The following PXDN variants were observed in gnomAD, a reference collection of about 807,000 sequenced individuals.
The protein encoded by PXDN is peroxidasin.
PXDN carries 77 observed loss-of-function variants against 140.3 expected under a neutral mutation model. The observed-to-expected ratio is 0.55, with a 90% CI of 0.46 to 0.66. The LOEUF is 0.66. Ranked by LOEUF, PXDN falls within the 30% of genes least tolerant of loss-of-function variation. The pLI is 0.00. For synonymous variants in PXDN, 911 were observed against 857.4 expected, an observed-to-expected ratio of 1.06 and a Z score of -1.09; for missense variants, 1,838 against 2,039.5, an observed-to-expected ratio of 0.90 and a Z score of 1.90.
chr2:1,719,863 T>C, intron 1 of PXDN, among the ~76,000 whole-genome samples: 1 of 148,428 alleles, frequency 6.7e-6, no homozygotes, highest in African/African-American at 2.5e-5. Context: ...TGTGTGTGTG[T>C]GTGTGTGTGT....
At position 1,662,374 on chromosome 2, in the gene PXDN, G is replaced by A. The variant is rs560412607; in HGVS notation, c.1568-190C>T. Reference sequence around the variant, plus strand: ...GGCAGGGGAGCCTGAAAGATCCCAGGGAAGATCCGCCCGCCTCCCCGCCTC... The same window carrying A: ...GGCAGGGGAGCCTGAAAGATCCCAGAGAAGATCCGCCCGCCTCCCCGCCTC... On this transcript the variant is annotated intron_variant, in intron 12 of 22. Coordinates refer to ENST00000252804, the MANE Select transcript of PXDN (RefSeq NM_012293.3). Among the ~76,000 whole-genome samples, 7 of 152,324 alleles carry A rather than the reference G, an allele frequency of 4.6e-5. No individual in the cohort carries two copies. In the East Asian group the frequency reaches 1.2e-3, roughly 25 times the overall value.
chr2:1,687,654 C>A lies in PXDN; in HGVS notation c.394G>T (p.Gly132Ter). 6.5e-7 allele frequency: 1 copy of A among 1,527,462 alleles called. No homozygotes were observed. Among genetic ancestry groups the A allele is most frequent in the Non-Finnish European group, 9.0e-7 (1 of 1,105,452 alleles). The allele number at this position is 1,527,462 out of a possible 1,614,324, so 94.6% of individuals were successfully genotyped here. A position where few individuals can be genotyped will look rare whatever the true frequency, so the allele number is the denominator to read the frequency against. ...IQSIDRQAFK[G>*]LASLEQLYLH... ...TACAGTTGCTCTAGAGAGGCAAGTC[C>A]CTTAAATGCTTGCCTGTCAATTGAC... The change falls in exon 4 of 23, where the codon GGA (glycine) becomes TGA (stop). Residue 132 changes from glycine to a stop codon, truncating the protein, a stop_gained. Transcript: ENST00000252804. LOFTEE classifies it high-confidence loss of function. This position sits in a 1 kb window ranked among gnomAD's most constrained non-coding sequence, Gnocchi z 4.0.
chr2:1,716,208 A>T (rs1214545451), intron 1 of PXDN, among the ~76,000 whole-genome samples: 2 of 152,072 alleles, frequency 1.3e-5, no homozygotes, highest in Non-Finnish European at 2.9e-5. Flanking sequence ...CAGGCTGAGG[A>T]GGGTGGATCA....
intron 10 of PXDN, 45 bp from the exon 11 acceptor site, chr2:1,665,119 C>G (rs1683404513): frequency 6.9e-7 from 1 of 1,445,838 alleles, no homozygotes; most frequent in Non-Finnish European, 9.5e-7. Context: ...AAAAAACAGC[C>G]TGGGGTAAAA....
intron 6 of PXDN, among the ~76,000 whole-genome samples, chr2:1,681,202 G>GT (rs1683894140): frequency 1.3e-5 from 2 of 152,182 alleles, no homozygotes; most frequent in Non-Finnish European, 2.9e-5. Context: ...GCCATTTGCG[G>GT]CGGGGAGAAG....
At position 1,648,255 on chromosome 2, in the gene PXDN, G is replaced by C. The variant is rs1266215713; in HGVS notation, c.3525C>G (p.Val1175=). 1.9e-6 allele frequency: 3 copies of C among 1,613,796 alleles called. No individual in the cohort carries two copies. Among genetic ancestry groups the C allele is most frequent in the Admixed American group, 3.3e-5 (2 of 60,004 alleles). Residue 1175 remains valine, a synonymous_variant, in exon 17 of 23, where the codon GTC becomes GTG. Transcript: ENST00000252804. This position sits in a 1 kb window ranked among gnomAD's most constrained non-coding sequence, Gnocchi z 8.9. ...TGTGTGCCGCCGATAGATTGCAGTA[G>C]ACCCTGTAGTCGTGGTAGGGTGGGA... The part of the protein sequence containing the change: ...HGIPPYHDYR[V]YCNLSAAHTF...
rs546763547 is a variant in PXDN, at chr2:1,635,849, G to C, written c.4207-328C>G. On this transcript the variant is annotated intron_variant, in intron 21 of 22. Coordinates refer to ENST00000252804, the MANE Select transcript of PXDN (RefSeq NM_012293.3). ...CTACACTTCCACCAGAACGAACGATGATCACTCAGAATCCCCAGAGTCAAG... is the reference window on the plus strand; with the variant it reads ...CTACACTTCCACCAGAACGAACGATCATCACTCAGAATCCCCAGAGTCAAG... 543 of 369,704 alleles carry C rather than the reference G, an allele frequency of 1.5e-3. 13 individuals are homozygous for C. The highest frequency in any genetic ancestry group is 0.011 in the South Asian group (523 of 45,608). 22.9% of individuals were successfully genotyped at this position (369,704 alleles called of 1,614,324 possible).
intron 1 of PXDN, among the ~76,000 whole-genome samples, chr2:1,717,810 A>G (rs187623691): frequency 2.0e-5 from 3 of 151,656 alleles, no homozygotes; most frequent in Admixed American, 2.0e-4. Context: ...ACCCAAAGCT[A>G]TTCTGCTAAC....
chr2:1,735,255 T>A (rs186526797), intron 1 of PXDN, among the ~76,000 whole-genome samples: 62 of 152,350 alleles, frequency 4.1e-4, no homozygotes, highest in African/African-American at 1.4e-3. Context: ...TACATGTTGA[T>A]GTTTTGACCC....
In PXDN at chr2:1,687,262, A is replaced by G. The variant is rs1468014322; in HGVS notation, c.416+370T>C. On this transcript the variant is annotated intron_variant, in intron 4 of 22. Coordinates refer to ENST00000252804, the MANE Select transcript of PXDN (RefSeq NM_012293.3). The surrounding 1 kb of genome is among the most constrained non-coding windows in gnomAD (Gnocchi z 4.0). Reference sequence around the variant, plus strand: ...GCCCTCTCCTCCCCGGGCACCCTGGATATTTCCCCTGTGAAGGATGCCTTG... The same window carrying G: ...GCCCTCTCCTCCCCGGGCACCCTGGGTATTTCCCCTGTGAAGGATGCCTTG... 1.3e-5 allele frequency among the ~76,000 whole-genome samples: 2 copies of G among 152,222 alleles called. No homozygotes were observed. Among genetic ancestry groups the G allele is most frequent in the South Asian group, 2.1e-4 (1 of 4,832 alleles).
intron 1 of PXDN, among the ~76,000 whole-genome samples, chr2:1,726,945 T>C: frequency 6.6e-6 from 1 of 152,286 alleles, no homozygotes; most frequent in East Asian, 1.9e-4. Flanking sequence ...GACAGGGCTT[T>C]GGGAAGGGAA....
chr2:1,694,703 C>T (rs1439281147), intron 1 of PXDN, among the ~76,000 whole-genome samples: 2 of 152,210 alleles, frequency 1.3e-5, no homozygotes, highest in South Asian at 2.1e-4. Context: ...AGTGGCTCCA[C>T]GGACTCTCCA....
At chr2:1,681,669 C>G (rs1054337615) in intron 6 of PXDN, among the ~76,000 whole-genome samples, 1 of 152,232 alleles carries the variant, frequency 6.6e-6, no homozygotes, top group Non-Finnish European at 1.5e-5. Context: ...CCCTTTCCCC[C>G]GTGAGCAGGT....
In PXDN at chr2:1,687,569, C is replaced by T. The variant is rs189842483; in HGVS notation, c.416+63G>A. The T allele has an allele frequency of 3.0e-3, 3,959 of 1,320,456 alleles. 13 individuals carry two copies. The highest frequency in any genetic ancestry group is 3.6e-3 in the Non-Finnish European group (3,456 of 954,208). 81.8% of individuals were successfully genotyped at this position (1,320,456 alleles called of 1,614,324 possible). A position where few individuals can be genotyped will look rare whatever the true frequency, so the allele number is the denominator to read the frequency against. ...AACAGCTAGCTCACTCCACTGGTCC[C>T]TACAAGAGGAAAACAGCCAGACGGC... On this transcript the variant is annotated intron_variant, in intron 4 of 22. Coordinates refer to ENST00000252804, the MANE Select transcript of PXDN (RefSeq NM_012293.3). The surrounding 1 kb of genome is among the most constrained non-coding windows in gnomAD (Gnocchi z 4.0).
intron 21 of PXDN, chr2:1,636,692 GGGAAAAAA>G (rs1272645482): frequency 6.3e-5 from 1 of 15,820 alleles, no homozygotes; most frequent in Non-Finnish European, 3.0e-4. Context: ...GAAACCATGG[GGGAAAAAA>G]AAAAAAAAAG....
chr2:1,663,729 G>T lies in PXDN; in HGVS notation c.1443C>A (p.Val481=), dbSNP rs370752629. ...SQLSVDRRHL[V]LSSGTLRISG... is the part of the protein sequence containing the mutation. ...AGATTCTAAGTGTTCCCGATGACAG[G>T]ACCAGGTGCCGCCGGTCCACGGAGA... The change falls in exon 12 of 23, where the codon GTC becomes GTA. Residue 481 remains valine (V), a synonymous_variant. Transcript: ENST00000252804. 6.8e-5 allele frequency: 109 copies of T among 1,613,400 alleles called. No individual in the cohort carries two copies. In the African/African-American group the frequency reaches 1.1e-3, roughly 16 times the overall value.
intron 1 of PXDN, among the ~76,000 whole-genome samples, chr2:1,712,732 T>A (rs1684812572): frequency 6.6e-6 from 1 of 151,440 alleles, no homozygotes; most frequent in Non-Finnish European, 1.5e-5. Flanking sequence ...TTTAGATTTC[T>A]TTTTTTTTGG....
At chr2:1,731,018 G>T (rs1685300039) in intron 1 of PXDN, among the ~76,000 whole-genome samples, 1 of 152,156 alleles carries the variant, frequency 6.6e-6, no homozygotes, top group African/African-American at 2.4e-5. Context: ...GGGTTGGGAG[G>T]TGGTAAAATC....
chr2:1,712,498 C>T (rs1037265588), intron 1 of PXDN, among the ~76,000 whole-genome samples: 5 of 152,184 alleles, frequency 3.3e-5, no homozygotes, highest in African/African-American at 9.7e-5. Context: ...GAGCCTGGTT[C>T]ATGTCAGATC....
Sources: allele counts gnomAD v4.1 joint callset (sites outside exome capture counted in the v4.1 genomes callset), GRCh38; gene constraint gnomAD v4.1.1; non-coding constraint Gnocchi (gnomAD v3.1); transcripts MANE v1.5; gene names NCBI Gene and HGNC (gene_info 2026-07-23, HGNC 2026-07-21).